Variants in PLCZ1 observed in about 807,000 individuals in gnomAD.
PLCZ1 encodes 1-phosphatidylinositol 4,5-bisphosphate phosphodiesterase zeta-1.
PLCZ1 carries 64 observed loss-of-function variants against 76.8 expected under a neutral mutation model. That is an observed-to-expected ratio of 0.83 (90% confidence interval 0.68 to 1.03). The LOEUF (loss-of-function observed/expected upper bound fraction) is 1.03. Among genes scored for constraint, PLCZ1 ranks in the 50% least tolerant of loss-of-function variants. The pLI, the probability that PLCZ1 is intolerant of heterozygous loss-of-function variation, is 0.00. For missense variants in PLCZ1, 751 were observed against 713.7 expected (o/e 1.05, Z -0.60); for synonymous variants, 248 against 230.8 (o/e 1.07, Z -0.68).
the PLCZ1 span, among the ~76,000 whole-genome samples, chr12:18,660,581 A>G: frequency 3.3e-5 from 5 of 152,182 alleles, no homozygotes; most frequent in Non-Finnish European, 2.9e-5. Flanking sequence ...GGAGAAAGGT[A>G]TAGACTCAGA....
the PLCZ1 span, chr12:18,648,108 G>C: frequency 4.8e-6 from 4 of 838,490 alleles, no homozygotes; most frequent in Non-Finnish European, 5.3e-6. Flanking sequence ...CATAAGTAAG[G>C]CATCTTTGTT....
intron 2 of PLCZ1, 47 bp downstream of exon 2, chr12:18,737,314 A>T: frequency 6.3e-7 from 1 of 1,577,862 alleles, no homozygotes; most frequent in African/African-American, 1.3e-5. Context: ...AAAGAGGATA[A>T]GTAGGAGAAA....
intron 5 of PLCZ1, among the ~76,000 whole-genome samples, chr12:18,714,286 T>A (rs1002130677): frequency 6.6e-6 from 1 of 152,202 alleles, no homozygotes; most frequent in African/African-American, 2.4e-5. Flanking sequence ...TGGCCTGACA[T>A]GGAGCTAATA....
At chr12:18,701,631 T>A (rs1565686265) in intron 8 of PLCZ1, 61 bp downstream of exon 8, 1 of 1,585,268 alleles carries the variant, frequency 6.3e-7, no homozygotes. Context: ...CTCCTCCTCC[T>A]CCTCCTCCTC....
Position 18,732,484 on chromosome 12 carries a change from C to T in PLCZ1, c.135+3737G>A, listed in dbSNP as rs140536544. Among the ~76,000 whole-genome samples the T allele has an allele frequency of 5.2e-3, 788 of 152,230 alleles. 4 individuals carry two copies. Among genetic ancestry groups the T allele is most frequent in the African/African-American group, 0.018 (733 of 41,528 alleles). On this transcript the variant is annotated intron_variant, in intron 3 of 14. Transcript: ENST00000266505. ...ATAACTTTTGTGTGTGATAAGAATA[C>T]TCAATCTAAGATCTACCCTCTTACA...
chr12:18,645,840 T>C, the PLCZ1 span, among the ~76,000 whole-genome samples: 2 of 152,326 alleles, frequency 1.3e-5, no homozygotes, highest in East Asian at 3.9e-4. Context: ...TTATGACTTA[T>C]TCATGCAATT....
chr12:18,723,124 C>T lies in PLCZ1; in HGVS notation c.367+187G>A, dbSNP rs191306097. ...TGTATAGGAAAGGATGTCATGGTTG[C>T]ATACTATAGCATTCTAAAAGGTATC... On this transcript the variant is annotated intron_variant, in intron 4 of 14. Transcript: ENST00000266505. 7.4e-3 allele frequency among the ~76,000 whole-genome samples: 1,127 copies of T among 152,028 alleles called. 11 individuals carry two copies. The highest frequency in any genetic ancestry group is 1.0e-2 in the Non-Finnish European group (676 of 67,922).
chr12:18,681,149 G>C (rs1952371319), downstream of PLCZ1, among the ~76,000 whole-genome samples: 1 of 152,042 alleles, frequency 6.6e-6, no homozygotes, highest in Admixed American at 6.6e-5. Context: ...AAACACGACA[G>C]TTTAGCTGTG....
chr12:18,700,512 C>CAAAAAAAAAAAAAAAA (rs11324526), intron 9 of PLCZ1, among the ~76,000 whole-genome samples: 18 of 67,886 alleles, frequency 2.7e-4, no homozygotes, highest in East Asian at 5.4e-4. Context: ...AGCCAACGTA[C>CAAAAAAAAAAAAAAAA]AAAAAAAAAA....
chr12:18,662,521 G>A, the PLCZ1 span, among the ~76,000 whole-genome samples: 1 of 152,020 alleles, frequency 6.6e-6, no homozygotes, highest in South Asian at 2.1e-4. Flanking sequence ...GCTTTGTGAA[G>A]AAGTAAAGAT....
intron 2 of PLCZ1, chr12:18,736,819 C>A: frequency 1.9e-6 from 1 of 525,914 alleles, no homozygotes; most frequent in Non-Finnish European, 3.4e-6. Flanking sequence ...ACTTAGTGTT[C>A]AATAAATAGT....
Position 18,693,868 on chromosome 12 carries a change from C to A in PLCZ1, c.1461+1042G>T. 11 of 1,533,432 alleles carry A rather than the reference C, an allele frequency of 7.2e-6. No homozygotes were observed. The South Asian group carries it at 1.1e-4, about 16-fold the overall frequency. 95.0% of individuals were successfully genotyped at this position (1,533,432 alleles called of 1,614,324 possible). ...CTGATGAAAAGACGAAGAAGCCCATCTTTCAGATTCACACAAGCAGGATGA... is the reference window on the plus strand; with the variant it reads ...CTGATGAAAAGACGAAGAAGCCCATATTTCAGATTCACACAAGCAGGATGA... On this transcript the variant is annotated intron_variant, in intron 12 of 14. Transcript: ENST00000266505.
rs573797883 is a variant in PLCZ1, at chr12:18,707,927, C to T, written c.715-2612G>A. On this transcript the variant is annotated intron_variant, in intron 6 of 14. Transcript: ENST00000266505. ...ATACAACATGATGTTATGGAACACA[C>T]GTAGATAGTAAGAAGGTTATTACAG... 1.1e-4 allele frequency among the ~76,000 whole-genome samples: 16 copies of T among 152,190 alleles called. No homozygotes were observed. In the East Asian group the frequency reaches 1.9e-3, roughly 18 times the overall value.
chr12:18,685,137 C>T (rs1286676309), intron 13 of PLCZ1, among the ~76,000 whole-genome samples: 1 of 152,026 alleles, frequency 6.6e-6, no homozygotes, highest in Non-Finnish European at 1.5e-5. Context: ...GAGTTCCATA[C>T]TTAGTTGTTA....
At chr12:18,699,756 A>G (rs2137238543) in intron 10 of PLCZ1, 38 bp downstream of exon 10, 1 of 1,583,462 alleles carries the variant, frequency 6.3e-7, no homozygotes, top group Non-Finnish European at 8.7e-7. Flanking sequence ...AATCTAACTC[A>G]TTTAAACATT....
At chr12:18,673,354 A>G in the PLCZ1 span, among the ~76,000 whole-genome samples, 9 of 152,202 alleles carry the variant, frequency 5.9e-5, no homozygotes, top group Admixed American at 4.6e-4. Context: ...GTCCCCACTG[A>G]GAAAATACTA....
chr12:18,705,023 C>A, intron 7 of PLCZ1, 143 bp downstream of exon 7: 1 of 954,424 alleles, frequency 1.0e-6, no homozygotes, highest in South Asian at 1.4e-5. Flanking sequence ...ATTCCCTAGG[C>A]AACATTGCAA....
At chr12:18,708,362 C>CGAA (rs899782551) in intron 6 of PLCZ1, among the ~76,000 whole-genome samples, 5 of 152,180 alleles carry the variant, frequency 3.3e-5, no homozygotes, top group Non-Finnish European at 7.3e-5. Context: ...TTTGTAAAGA[C>CGAA]TGAATCATAT....
At chr12:18,735,393 T>C (rs1465443821) in intron 3 of PLCZ1, among the ~76,000 whole-genome samples, 1 of 152,124 alleles carries the variant, frequency 6.6e-6, no homozygotes, top group East Asian at 1.9e-4. Flanking sequence ...CTTTTCTTCG[T>C]TGGGCAGTTT....
Sources: allele counts gnomAD v4.1 joint callset (sites outside exome capture counted in the v4.1 genomes callset), GRCh38; gene constraint gnomAD v4.1.1; transcripts MANE v1.5; gene names NCBI Gene and HGNC (gene_info 2026-07-23, HGNC 2026-07-21).